Variants in VNN2 observed in about 807,000 individuals in gnomAD.
The protein encoded by VNN2 is vanin 2, also known as pantetheine hydrolase VNN2.
VNN2 carries 43 observed loss-of-function variants against 43.0 expected under a neutral mutation model. The ratio of observed to expected loss-of-function variants is 1.00; its 90% confidence interval spans 0.78 to 1.29. The LOEUF (loss-of-function observed/expected upper bound fraction) is 1.29. Among genes scored for constraint, VNN2 ranks in the 50% most tolerant of loss-of-function variants. The probability of loss-of-function intolerance (pLI) is 0.00; values close to 1 mark genes in which losing one functional copy is unlikely to be tolerated. For synonymous variants in VNN2, 230 were observed against 224.3 expected, an observed-to-expected ratio of 1.03 and a Z score of -0.23; for missense variants, 652 against 619.7, an observed-to-expected ratio of 1.05 and a Z score of -0.55.
At chr6:132,752,946 C>G (rs1780216945) in intron 3 of VNN2, 197 bp from the exon 4 acceptor site, 1 of 547,734 alleles carries the variant, frequency 1.8e-6, no homozygotes, top group Non-Finnish European at 3.2e-6. Flanking sequence ...CATAGCATCT[C>G]TCATCTCCTC....
intron 2 of VNN2, among the ~76,000 whole-genome samples, chr6:132,756,972 C>T (rs1403437394): frequency 2.0e-5 from 3 of 152,154 alleles, no homozygotes; most frequent in Non-Finnish European, 4.4e-5. Context: ...TAGGAAAATG[C>T]AGTTTCAAAG....
chr6:132,759,451 A>C (rs374769654), upstream of VNN2, among the ~76,000 whole-genome samples: 9 of 149,666 alleles, frequency 6.0e-5, no homozygotes, highest in Non-Finnish European at 1.3e-4. Flanking sequence ...AAAAAAAAAA[A>C]AAAAAAAAAA....
chr6:132,752,409 A>T (rs567669650), intron 4 of VNN2, 52 bp downstream of exon 4: 825 of 1,542,882 alleles, frequency 5.3e-4, no homozygotes, highest in Admixed American at 6.7e-4. Flanking sequence ...TGAGGCATTC[A>T]TTTCTCTGCA....
intron 3 of VNN2, among the ~76,000 whole-genome samples, chr6:132,755,553 T>G (rs927040580): frequency 1.3e-5 from 2 of 152,022 alleles, no homozygotes; most frequent in Non-Finnish European, 2.9e-5. Flanking sequence ...TTTGTATTTT[T>G]TAGTAGAGAC....
intron 5 of VNN2, 134 bp downstream of exon 5, chr6:132,751,008 GTGT>G: frequency 2.0e-6 from 2 of 992,270 alleles, no homozygotes; most frequent in Non-Finnish European, 3.0e-6. Context: ...GTGTGTGTGT[GTGT>G]TGTGTGTGTG....
At chr6:132,757,975 A>G, upstream of VNN2, 1 of 875,874 alleles carries the variant, frequency 1.1e-6, no homozygotes, top group South Asian at 2.8e-5. Flanking sequence ...GCTGCCAGTT[A>G]CTGGCCTTTT....
At chr6:132,760,281 C>T (rs955460762), upstream of VNN2, among the ~76,000 whole-genome samples, 1 of 152,012 alleles carries the variant, frequency 6.6e-6, no homozygotes, top group Non-Finnish European at 1.5e-5. Context: ...CTCAAGTGAT[C>T]CTTCCACCTC....
chr6:132,750,422 C>CAGAG (rs1285114882), intron 5 of VNN2, among the ~76,000 whole-genome samples: 2 of 150,188 alleles, frequency 1.3e-5, no homozygotes, highest in African/African-American at 4.9e-5. Flanking sequence ...GTCGGATCAG[C>CAGAG]AGAGGTGAGG....
rs1231665881 is a variant in VNN2, at chr6:132,755,848, G to A, written c.532C>T (p.His178Tyr). 1 of 1,610,768 alleles carries A rather than the reference G, an allele frequency of 6.2e-7. No individual in the cohort carries two copies. The highest frequency in any genetic ancestry group is 2.2e-5 in the East Asian group (1 of 44,844). Residue 178 changes from histidine to tyrosine, a missense_variant, in exon 3 of 7, where the codon CAT (histidine) becomes TAT (tyrosine). By Grantham distance (83) the His-to-Tyr change is moderately conservative (BLOSUM62 2). Transcript: ENST00000326499. ...NTEGKLVARY[H>Y]KYHLYSEPQF... Reference sequence around the variant, plus strand: ...CGTCCGTCACTCTCTCTTACCTTATGGTAACGTGCCACGAGTTTTCCTTCT... The same window carrying A: ...CGTCCGTCACTCTCTCTTACCTTATAGTAACGTGCCACGAGTTTTCCTTCT...
chr6:132,763,433 C>G (rs566623290), exon 1 of VNN2: 5 of 152,092 alleles, frequency 3.3e-5, no homozygotes, highest in African/African-American at 1.2e-4. Flanking sequence ...AGCTGCTTTC[C>G]TTTCCAAGGC....
In VNN2 at chr6:132,755,853, C is replaced by G. The variant is rs747569660; in HGVS notation, c.527G>C (p.Arg176Pro). 1.9e-6 allele frequency: 3 copies of G among 1,611,478 alleles called. No individual in the cohort carries two copies. Among genetic ancestry groups the G allele is most frequent in the Non-Finnish European group, 2.5e-6 (3 of 1,178,528 alleles). ...GTCACTCTCTCTTACCTTATGGTAA[C>G]GTGCCACGAGTTTTCCTTCTGTATT... The part of the protein sequence containing the change: ...VYNTEGKLVA[R>P]YHKYHLYSEP... The change falls in exon 3 of 7, where the codon CGT becomes CCT. Residue 176 changes from arginine to proline, a missense_variant. Arg to Pro is a moderately radical substitution (Grantham distance 103). Transcript: ENST00000326499.
chr6:132,750,952 A>C lies in VNN2; in HGVS notation c.1200+193T>G, dbSNP rs553094798. ...AGCAATAAGATTATACTTAATTCCC[A>C]TTGTAAATATTTTATCCCAGTGTAT... On this transcript the variant is annotated intron_variant, in intron 5 of 6. Coordinates refer to ENST00000326499, the MANE Select transcript of VNN2 (RefSeq NM_004665.6). Among the ~76,000 whole-genome samples, 8 of 152,242 alleles carry C rather than the reference A, an allele frequency of 5.3e-5. No homozygotes were observed. The East Asian group carries it at 1.4e-3, about 26-fold the overall frequency.
chr6:132,756,447 G>A (rs1045307667), intron 2 of VNN2, among the ~76,000 whole-genome samples: 2 of 152,056 alleles, frequency 1.3e-5, no homozygotes, highest in African/African-American at 4.8e-5. Flanking sequence ...GCTGTTGCCA[G>A]TTCCTCCTCT....
At chr6:132,752,398 C>G in intron 4 of VNN2, 63 bp downstream of exon 4, 1 of 1,519,392 alleles carries the variant, frequency 6.6e-7, no homozygotes, top group African/African-American at 1.4e-5. Flanking sequence ...CAAGTCATAA[C>G]TGAGGCATTC....
In VNN2 at chr6:132,763,227, T is replaced by TA. The variant is rs76819413; in HGVS notation, c.-20+155dup. Among the ~76,000 whole-genome samples the TA allele has an allele frequency of 8.0e-3, 1,144 of 143,828 alleles. 11 individuals are homozygous for TA. The highest frequency in any genetic ancestry group is 0.022 in the African/African-American group (861 of 39,282). 94.4% of individuals were successfully genotyped at this position (143,828 alleles called of 152,430 possible). A position where few individuals can be genotyped will look rare whatever the true frequency, so the allele number is the denominator to read the frequency against. ...GAAAATATCATGGAAATCGCAGACT[T>TA]AAAAAAAAAAAAGATAGATTAAAAA... is the stretch of plus-strand genomic sequence containing the variant. On this transcript the variant is annotated intron_variant, in intron 1 of 3. Transcript: ENST00000524919.
chr6:132,755,382 T>C (rs923100099), intron 3 of VNN2, among the ~76,000 whole-genome samples: 4 of 108,294 alleles, frequency 3.7e-5, no homozygotes, highest in Admixed American at 2.0e-4. Context: ...TTCTTTTTTT[T>C]CTTTTTTTTT....
upstream of VNN2, chr6:132,758,054 T>TGAGGCGGAG (rs1780613676): frequency 2.0e-6 from 1 of 509,952 alleles, no homozygotes; most frequent in Non-Finnish European, 3.0e-6. Flanking sequence ...TTTTTTTTTT[T>TGAGGCGGAG]TTTTTTTTTG....
chr6:132,754,938 C>T (rs150171766), intron 3 of VNN2, among the ~76,000 whole-genome samples: 269 of 152,246 alleles, frequency 1.8e-3, no homozygotes, highest in African/African-American at 5.7e-3. Flanking sequence ...TTTTGGGAGG[C>T]CAAGGTGGGA....
intron 3 of VNN2, 125 bp downstream of exon 3, chr6:132,755,718 A>T (rs2114607807): frequency 9.1e-7 from 1 of 1,103,136 alleles, no homozygotes; most frequent in East Asian, 2.7e-5. Context: ...AAAACAAAAA[A>T]CAAAACAAAA....
Sources: allele counts gnomAD v4.1 joint callset (sites outside exome capture counted in the v4.1 genomes callset), GRCh38; gene constraint gnomAD v4.1.1; transcripts MANE v1.5; gene names NCBI Gene and HGNC (gene_info 2026-07-23, HGNC 2026-07-21).